The following CHST3 variants were observed in gnomAD, a reference collection of about 807,000 sequenced individuals.
The protein encoded by CHST3 is carbohydrate sulfotransferase 3.
CHST3 carries 20 observed loss-of-function variants against 35.4 expected under a neutral mutation model. The observed-to-expected ratio is 0.57, with a 90% confidence interval of 0.40 to 0.82. The LOEUF is 0.82. Among genes scored for constraint, CHST3 ranks in the 40% least tolerant of loss-of-function variants. The probability of loss-of-function intolerance (pLI) is 0.00; values close to 1 mark genes in which losing one functional copy is unlikely to be tolerated. For synonymous variants in CHST3, 334 were observed against 295.9 expected, an observed-to-expected ratio of 1.13 and a Z score of -1.32; for missense variants, 693 against 670.1, an observed-to-expected ratio of 1.03 and a Z score of -0.38.
chr10:71,982,207 T>C (rs1839807328), intron 1 of CHST3, among the ~76,000 whole-genome samples: 1 of 152,070 alleles, frequency 6.6e-6, no homozygotes, highest in Non-Finnish European at 1.5e-5. Flanking sequence ...CAAGTGTCCT[T>C]ATAAGAGGGA....
rs10564775 is a variant in CHST3, at chr10:71,996,451, C to CGTGTGTGT, written c.-107-9269_-107-9262dup. 2.7e-3 allele frequency among the ~76,000 whole-genome samples: 396 copies of CGTGTGTGT among 146,488 alleles called. 3 individuals carry two copies. The highest frequency in any genetic ancestry group is 5.6e-3 in the African/African-American group (217 of 38,856). ...CCCCCCCCCAACGTATGTGTCTCTG[C>CGTGTGTGT]GTGTGTGTGTGTGTGTGTGTGTGCA... On this transcript the variant is annotated intron_variant, in intron 1 of 2. Transcript: ENST00000373115.
intron 1 of CHST3, among the ~76,000 whole-genome samples, chr10:71,992,643 A>C (rs889012420): frequency 1.3e-5 from 2 of 148,696 alleles, no homozygotes; most frequent in Non-Finnish European, 3.0e-5. Context: ...TTATCAACTA[A>C]GTTTATGGAA....
Position 71,978,228 on chromosome 10 carries a change from G to T in CHST3, c.-108+13534G>T, listed in dbSNP as rs188469135. On this transcript the variant is annotated intron_variant, in intron 1 of 2. Coordinates refer to ENST00000373115, the MANE Select transcript of CHST3 (RefSeq NM_004273.5). Reference sequence around the variant, plus strand: ...ATACCCCATCTCTAATTAGCTGGACGTGGTGGCAGGCGGCTGTAATCCAGC... The same window carrying T: ...ATACCCCATCTCTAATTAGCTGGACTTGGTGGCAGGCGGCTGTAATCCAGC... Among the ~76,000 whole-genome samples the T allele has an allele frequency of 2.8e-3, 425 of 152,282 alleles. 2 individuals carry two copies. Among genetic ancestry groups the T allele is most frequent in the African/African-American group, 9.5e-3 (396 of 41,564 alleles).
chr10:71,975,686 G>T (rs74145505), intron 1 of CHST3, among the ~76,000 whole-genome samples: 1 of 152,242 alleles, frequency 6.6e-6, no homozygotes, highest in Non-Finnish European at 1.5e-5. Context: ...ACCTAGAAAC[G>T]GACTATGAAT....
At chr10:71,982,563 G>C (rs1839810819) in intron 1 of CHST3, among the ~76,000 whole-genome samples, 1 of 152,070 alleles carries the variant, frequency 6.6e-6, no homozygotes, top group Non-Finnish European at 1.5e-5. Context: ...GACCAGCCTG[G>C]GCAACCTGAT....
rs1564534526 is a variant in CHST3 at position 72,012,241 on chromosome 10, G to T, written c.*3770G>T. On this transcript the variant is annotated 3_prime_UTR_variant, in exon 3 of 3. Coordinates refer to ENST00000373115, the MANE Select transcript of CHST3 (RefSeq NM_004273.5). ...CCATCTGTCTGTCTGGCAATGGAAG[G>T]AGCTTCAGCAGGAGGTCCTTCCCAG... is the stretch of plus-strand genomic sequence containing the variant. 6.6e-6 allele frequency: 1 copy of T among 152,208 alleles called. No individual in the cohort carries two copies. Among genetic ancestry groups the T allele is most frequent in the Non-Finnish European group, 1.5e-5 (1 of 68,066 alleles). The allele number at this position is 152,208 out of a possible 1,614,324, so 9.4% of individuals were successfully genotyped here. A position where few individuals can be genotyped will look rare whatever the true frequency, so the allele number is the denominator to read the frequency against.
intron 1 of CHST3, among the ~76,000 whole-genome samples, chr10:71,968,927 C>T (rs1409579176): frequency 2.1e-4 from 32 of 152,162 alleles, no homozygotes; most frequent in Admixed American, 2.1e-3. Context: ...AAGAAATTGC[C>T]AGGTAGACCA....
intron 1 of CHST3, among the ~76,000 whole-genome samples, chr10:72,002,917 C>T (rs555263103): frequency 5.9e-5 from 9 of 152,286 alleles, no homozygotes; most frequent in African/African-American, 2.2e-4. Context: ...CTTTGGGGTG[C>T]TTGCATTCTG....
At chr10:71,991,935 GA>G (rs59877520) in intron 1 of CHST3, among the ~76,000 whole-genome samples, 6 of 148,608 alleles carry the variant, frequency 4.0e-5, no homozygotes, top group Admixed American at 6.7e-5. Flanking sequence ...AACTCTGTCT[GA>G]AAAAAAAAAA....
At position 72,012,611 on chromosome 10, in the gene CHST3, A is replaced by T. The variant is rs982233347; in HGVS notation, c.*4140A>T. ...GATCTCAAGGGCTGATACCTGAGGC[A>T]AGGAGAGCTAAGGGGAGAGAAATTG... On this transcript the variant is annotated 3_prime_UTR_variant, in exon 3 of 3. Transcript: ENST00000373115. 10 of 152,750 alleles carry T rather than the reference A, an allele frequency of 6.5e-5. No homozygotes were observed. Among genetic ancestry groups the T allele is most frequent in the Non-Finnish European group, 1.5e-4 (10 of 68,464 alleles). The allele number at this position is 152,750 out of a possible 1,614,324, so 9.5% of individuals were successfully genotyped here.
chr10:71,996,370 C>T (rs965550341), intron 1 of CHST3, among the ~76,000 whole-genome samples: 1 of 149,142 alleles, frequency 6.7e-6, no homozygotes, highest in Non-Finnish European at 1.5e-5. Flanking sequence ...CTAACTTTGT[C>T]AGACGTTGTG....
At chr10:71,997,946 A>G (rs949866481) in intron 1 of CHST3, among the ~76,000 whole-genome samples, 1 of 152,106 alleles carries the variant, frequency 6.6e-6, no homozygotes, top group African/African-American at 2.4e-5. Flanking sequence ...GATTACAAGC[A>G]TAAGCCACCA....
At chr10:71,976,240 C>T (rs1037192285) in intron 1 of CHST3, among the ~76,000 whole-genome samples, 1 of 152,320 alleles carries the variant, frequency 6.6e-6, no homozygotes, top group Non-Finnish European at 1.5e-5. Context: ...GATGCCAACA[C>T]CACCCTGGTC....
At chr10:71,965,397 GCCGTGA>G (rs1036521333) in intron 1 of CHST3, among the ~76,000 whole-genome samples, 4 of 152,310 alleles carry the variant, frequency 2.6e-5, no homozygotes, top group Admixed American at 2.6e-4. Context: ...AAGGGTAGTG[GCCGTGA>G]CAGTCTTCCA....
rs1007925329 is a variant in CHST3, at chr10:72,006,052, C to T, written c.140+70C>T. ...GTGGGTGGGGACAGGGAGGTAACTGCAGGGCTCTCTGTGGACCTGCAAATG... is the reference window on the plus strand; with the variant it reads ...GTGGGTGGGGACAGGGAGGTAACTGTAGGGCTCTCTGTGGACCTGCAAATG... On this transcript the variant is annotated intron_variant, in intron 2 of 2. Coordinates refer to ENST00000373115, the MANE Select transcript of CHST3 (RefSeq NM_004273.5). The T allele has an allele frequency of 4.4e-6, 7 of 1,578,228 alleles. No homozygotes were observed. In the African/African-American group the frequency reaches 9.4e-5, roughly 21 times the overall value.
At chr10:71,990,167 A>G (rs920830914) in intron 1 of CHST3, among the ~76,000 whole-genome samples, 2 of 152,166 alleles carry the variant, frequency 1.3e-5, no homozygotes, top group Non-Finnish European at 2.9e-5. Flanking sequence ...TGGGGCTGCT[A>G]TAACAAATAC....
chr10:71,993,008 G>A (rs770039060), intron 1 of CHST3, among the ~76,000 whole-genome samples: 29 of 152,172 alleles, frequency 1.9e-4, no homozygotes, highest in Non-Finnish European at 1.3e-4. Context: ...CGCAGGCCAC[G>A]TGCAGCTCAG....
rs563954537 is a variant in CHST3, at chr10:72,011,496, G to A, written c.*3025G>A. The A allele has an allele frequency of 1.4e-3, 217 of 152,338 alleles. No individual in the cohort carries two copies. Among genetic ancestry groups the A allele is most frequent in the African/African-American group, 5.1e-3 (213 of 41,562 alleles). The allele number at this position is 152,338 out of a possible 1,614,324, so 9.4% of individuals were successfully genotyped here. A position where few individuals can be genotyped will look rare whatever the true frequency, so the allele number is the denominator to read the frequency against. On this transcript the variant is annotated 3_prime_UTR_variant, in exon 3 of 3. Coordinates refer to ENST00000373115, the MANE Select transcript of CHST3 (RefSeq NM_004273.5). ...GCTTGGAGCTGGGATGGAGAAGATG[G>A]AAGCACTGGTGGCCGGGCCTCTTTT...
intron 1 of CHST3, among the ~76,000 whole-genome samples, chr10:71,972,560 T>C (rs535646452): frequency 6.6e-6 from 1 of 152,276 alleles, no homozygotes; most frequent in African/African-American, 2.4e-5. Flanking sequence ...AGGGTGCAGA[T>C]GGCAGCGAGT....
Sources: gnomAD v4.1 joint callset for allele counts (sites outside exome capture counted in the v4.1 genomes callset) on GRCh38, gnomAD v4.1.1 for gene constraint, MANE v1.5 for transcripts, NCBI Gene and HGNC (gene_info 2026-07-23, HGNC 2026-07-21) for gene names.